Variants in ZMPSTE24 observed in about 807,000 individuals in gnomAD.
ZMPSTE24 encodes zinc metallopeptidase STE24.
A neutral mutation model predicts 56.7 loss-of-function variants in ZMPSTE24; 48 were observed. That is an observed-to-expected ratio of 0.85 (90% CI 0.67 to 1.08). The LOEUF is 1.08. ZMPSTE24 is among the 50% of genes least tolerant of loss of function. The probability of loss-of-function intolerance (pLI) is 0.00; values close to 1 mark genes in which losing one functional copy is unlikely to be tolerated. For synonymous variants in ZMPSTE24, 172 were observed against 195.2 expected, an observed-to-expected ratio of 0.88 and a Z score of 0.99; for missense variants, 503 against 548.7, an observed-to-expected ratio of 0.92 and a Z score of 0.83.
At chr1:40,269,260 T>C (rs1643588964) in intron 4 of ZMPSTE24, among the ~76,000 whole-genome samples, 1 of 151,840 alleles carries the variant, frequency 6.6e-6, no homozygotes, top group Non-Finnish European at 1.5e-5. Context: ...CCAGTTGTGG[T>C]GGCATGCACC....
At chr1:40,274,512 G>A (rs1352438974) in intron 6 of ZMPSTE24, among the ~76,000 whole-genome samples, 1 of 152,218 alleles carries the variant, frequency 6.6e-6, no homozygotes, top group Non-Finnish European at 1.5e-5. Context: ...CCGCCCATTT[G>A]ACGTCAATGG....
intron 6 of ZMPSTE24, among the ~76,000 whole-genome samples, chr1:40,273,098 A>G (rs1192250343): frequency 6.6e-6 from 1 of 152,216 alleles, no homozygotes; most frequent in Admixed American, 6.5e-5. Context: ...AAAATAAAAT[A>G]TTACCAGTGA....
chr1:40,277,103 T>G (rs1340149573), intron 6 of ZMPSTE24, among the ~76,000 whole-genome samples: 1 of 149,002 alleles, frequency 6.7e-6, no homozygotes, highest in Non-Finnish European at 1.5e-5. Context: ...TTTTTTTTTT[T>G]GAGACGGAAT....
At chr1:40,265,417 G>A (rs958328716) in intron 2 of ZMPSTE24, among the ~76,000 whole-genome samples, 1 of 152,154 alleles carries the variant, frequency 6.6e-6, no homozygotes, top group Non-Finnish European at 1.5e-5. Context: ...GGAGCCTTTT[G>A]AAAAGCAATT....
In ZMPSTE24 at chr1:40,259,132, T is replaced by G. The variant is rs374012231; in HGVS notation, c.123+738T>G. Among the ~76,000 whole-genome samples the G allele has an allele frequency of 1.3e-4, 20 of 152,224 alleles. 2 individuals carry two copies. The highest frequency in any genetic ancestry group is 6.5e-4 in the Admixed American group (10 of 15,302). On this transcript the variant is annotated intron_variant, in intron 1 of 9. Coordinates refer to ENST00000372759, the MANE Select transcript of ZMPSTE24 (RefSeq NM_005857.5). Reference sequence around the variant, plus strand: ...GAGATTGTGCCACTGCACTCCAGCCTGGGCGACAAGAGTGAAACTCAATCT... The same window carrying G: ...GAGATTGTGCCACTGCACTCCAGCCGGGGCGACAAGAGTGAAACTCAATCT...
chr1:40,264,609 C>T (rs1027130012), intron 2 of ZMPSTE24, among the ~76,000 whole-genome samples: 8 of 152,006 alleles, frequency 5.3e-5, no homozygotes, highest in Non-Finnish European at 1.2e-4. Flanking sequence ...GGCATGATGA[C>T]TCAATCCTGT....
Position 40,258,287 on chromosome 1 carries a change from T to C in ZMPSTE24, c.16T>C (p.Ser6Pro). Residue 6 changes from serine to proline, a missense_variant, in exon 1 of 10, where the codon TCG (serine) becomes CCG (proline). By Grantham distance (74) the Ser-to-Pro change is moderately conservative. Coordinates refer to ENST00000372759, the MANE Select transcript of ZMPSTE24 (RefSeq NM_005857.5). ...CCGGGTGGCCATGGGGATGTGGGCA[T>C]CGCTGGACGCTTTGTGGGAGATGCC... is the stretch of plus-strand genomic sequence containing the variant. MGMWA[S>P]LDALWEMPAE... The C allele has an allele frequency of 6.2e-7, 1 of 1,614,084 alleles. No homozygotes were observed.
chr1:40,281,687 A>G (rs1355552151), intron 7 of ZMPSTE24, among the ~76,000 whole-genome samples, 160 bp downstream of exon 7: 3 of 152,160 alleles, frequency 2.0e-5, no homozygotes, highest in Non-Finnish European at 4.4e-5. Context: ...AGGAGAGATC[A>G]CCACTATTAT....
chr1:40,268,608 AT>A, intron 4 of ZMPSTE24, 73 bp downstream of exon 4: 1 of 963,262 alleles, frequency 1.0e-6, no homozygotes, highest in Non-Finnish European at 1.6e-6. Flanking sequence ...ACTGTTTATA[AT>A]TTAAACATAA....
At chr1:40,262,107 A>G (rs1352764598) in intron 2 of ZMPSTE24, among the ~76,000 whole-genome samples, 2 of 152,228 alleles carry the variant, frequency 1.3e-5, no homozygotes, top group African/African-American at 4.8e-5. Context: ...ATTTAAAAGA[A>G]TTATGATCAG....
At chr1:40,273,537 A>AAAAT (rs1224234676) in intron 6 of ZMPSTE24, among the ~76,000 whole-genome samples, 8 of 12,382 alleles carry the variant, frequency 6.5e-4, no homozygotes, top group African/African-American at 1.1e-3. Flanking sequence ...AAAAAAAAAA[A>AAAAT]ATATATATAT....
intron 1 of ZMPSTE24, 40 bp from the exon 2 acceptor site, chr1:40,260,799 A>G (rs1553178974): frequency 6.3e-7 from 1 of 1,594,958 alleles, no homozygotes; most frequent in Admixed American, 1.7e-5. Flanking sequence ...ATTGTAATAA[A>G]CAACTATTTC....
chr1:40,291,067 G>A (rs867649045), intron 9 of ZMPSTE24, 70 bp downstream of exon 9: 4 of 1,575,778 alleles, frequency 2.5e-6, no homozygotes, highest in Middle Eastern at 1.9e-4. Context: ...TTTCAGGATA[G>A]TGAAAAAGGA....
At chr1:40,275,251 C>A (rs1643656208) in intron 6 of ZMPSTE24, among the ~76,000 whole-genome samples, 1 of 132,426 alleles carries the variant, frequency 7.6e-6, no homozygotes, top group Admixed American at 8.3e-5. Context: ...GAAACCCTGT[C>A]TCTACTAAAA....
intron 6 of ZMPSTE24, among the ~76,000 whole-genome samples, chr1:40,275,913 G>T (rs1367021588): frequency 6.6e-6 from 1 of 152,164 alleles, no homozygotes; most frequent in East Asian, 1.9e-4. Flanking sequence ...GGCTACTTCA[G>T]AACACCGGAT....
At chr1:40,261,735 TG>T (rs753413194) in intron 2 of ZMPSTE24, among the ~76,000 whole-genome samples, 8 of 151,728 alleles carry the variant, frequency 5.3e-5, no homozygotes, top group Non-Finnish European at 8.8e-5. Flanking sequence ...TTTTGAGCAG[TG>T]TCTTGCTCTG....
At chr1:40,258,488 C>T in intron 1 of ZMPSTE24, 94 bp downstream of exon 1, 2 of 1,596,586 alleles carry the variant, frequency 1.3e-6, no homozygotes, top group Non-Finnish European at 1.7e-6. Context: ...GCTTCGGTCC[C>T]CGCGCCAGTC....
chr1:40,270,320 A>C (rs763373620), intron 5 of ZMPSTE24, among the ~76,000 whole-genome samples, 193 bp downstream of exon 5: 1 of 152,160 alleles, frequency 6.6e-6, no homozygotes, highest in Non-Finnish European at 1.5e-5. Flanking sequence ...CCTTCTCCTT[A>C]TGCTAACTCT....
In ZMPSTE24 at chr1:40,292,480, A is replaced by G; in HGVS notation, c.1239A>G (p.Arg413=). The G allele has an allele frequency of 6.2e-7, 1 of 1,614,118 alleles. No individual in the cohort carries two copies. The highest frequency in any genetic ancestry group is 8.5e-7 in the Non-Finnish European group (1 of 1,179,996). The change falls in exon 10 of 10, where the codon AGA becomes AGG. Residue 413 remains arginine, a synonymous_variant. Coordinates refer to ENST00000372759, the MANE Select transcript of ZMPSTE24 (RefSeq NM_005857.5). ...LSFCLTVLSR[R]FEFQADAFAK... ...TTTGCCTAACAGTCCTAAGCCGCAG[A>G]TTTGAGTTTCAAGCTGATGCATTTG...
Sources: gnomAD v4.1 joint callset for allele counts (sites outside exome capture counted in the v4.1 genomes callset) on GRCh38, gnomAD v4.1.1 for gene constraint, MANE v1.5 for transcripts, NCBI Gene and HGNC (gene_info 2026-07-23, HGNC 2026-07-21) for gene names.